The following LAMA1 variants were observed in gnomAD, a reference collection of about 807,000 sequenced individuals.
LAMA1 encodes the protein laminin subunit alpha-1.
In LAMA1, 219 loss-of-function variants were observed where a neutral mutation model predicts 348.7. The ratio of observed to expected loss-of-function variants is 0.63; its 90% CI spans 0.56 to 0.70. The LOEUF is 0.70. Among genes scored for constraint, LAMA1 ranks in the 30% least tolerant of loss-of-function variants. The probability of loss-of-function intolerance (pLI) is 0.00; values close to 1 mark genes in which losing one functional copy is unlikely to be tolerated. For missense variants in LAMA1, 3,744 were observed against 3,888.0 expected (o/e 0.96, Z 0.99); for synonymous variants, 1,487 against 1,491.0 (o/e 1.00, Z 0.06).
chr18:7,038,945 G>A lies in LAMA1; in HGVS notation c.1428C>T (p.Asn476=). The change falls in exon 11 of 63, where the codon AAC becomes AAT. Residue 476 remains asparagine (N), a synonymous_variant. Transcript: ENST00000389658. ...AGCGATCACAGGCCTTCCCCTCAACGTTTTCCTGTAAGTTAGGGTAAAAGA... is the reference window on the plus strand; with the variant it reads ...AGCGATCACAGGCCTTCCCCTCAACATTTTCCTGTAAGTTAGGGTAAAAGA... ...PCTGPCVCKE[N]VEGKACDRCK... 1 of 1,612,804 alleles carries A rather than the reference G, an allele frequency of 6.2e-7. No homozygotes were observed. Among genetic ancestry groups the A allele is most frequent in the South Asian group, 1.1e-5 (1 of 91,036 alleles).
chr18:6,973,227 G>C lies in LAMA1; in HGVS notation c.6624-20C>G. ...CCAAATCTAAGGGTTACAAAGAATTGCAAAAGAAATTTTCAGAATTTCCAG... is the reference window on the plus strand; with the variant it reads ...CCAAATCTAAGGGTTACAAAGAATTCCAAAAGAAATTTTCAGAATTTCCAG... On this transcript the variant is annotated intron_variant, in intron 46 of 62. Transcript: ENST00000389658. 6.2e-7 allele frequency: 1 copy of C among 1,612,924 alleles called. No individual in the cohort carries two copies.
intron 38 of LAMA1, 51 bp from the exon 39 acceptor site, chr18:6,985,451 GAT>G (rs756816101): frequency 3.1e-6 from 5 of 1,600,030 alleles, no homozygotes; most frequent in Non-Finnish European, 4.3e-6. Flanking sequence ...CTTAATAACA[GAT>G]ATGTGTGCAT....
chr18:6,997,308 C>T (rs975768837), intron 33 of LAMA1, among the ~76,000 whole-genome samples: 2 of 152,178 alleles, frequency 1.3e-5, no homozygotes, highest in African/African-American at 2.4e-5. Context: ...GTGATCCACC[C>T]GCCTTGGCCC....
At chr18:7,040,817 AG>A (rs1477714396) in intron 9 of LAMA1, among the ~76,000 whole-genome samples, 1 of 152,234 alleles carries the variant, frequency 6.6e-6, no homozygotes, top group Non-Finnish European at 1.5e-5. Context: ...GGTAATAAAA[AG>A]GGTTGAAATA....
chr18:7,104,089 C>T (rs1344456395), intron 1 of LAMA1, among the ~76,000 whole-genome samples: 13 of 152,094 alleles, frequency 8.5e-5, no homozygotes, highest in Admixed American at 8.5e-4. Flanking sequence ...AAGCAATTCT[C>T]TGCCTCAGCT....
At chr18:7,057,803 T>C (rs1056281244) in intron 3 of LAMA1, among the ~76,000 whole-genome samples, 16 of 147,464 alleles carry the variant, frequency 1.1e-4, no homozygotes, top group African/African-American at 3.2e-4. Context: ...TCTTTCTTTT[T>C]TTTTTTTTTG....
At position 7,013,924 on chromosome 18, in the gene LAMA1, G is replaced by A. The variant is rs1188310384; in HGVS notation, c.3254C>T (p.Pro1085Leu). Residue 1085 changes from proline to leucine, a missense_variant, in exon 23 of 63, where the codon CCC becomes CTC. Physicochemically the swap from Pro to Leu is moderately conservative, Grantham distance 98. This residue lies in a region of LAMA1 where 1,529 missense variants were observed against 1,689.4 expected (regional missense o/e 0.91). Transcript: ENST00000389658. Reference protein sequence around the residue: ...DQCSLGYRDFPDCVPCDCDLR... With the variant: ...DQCSLGYRDFLDCVPCDCDLR... ...GTCACAGTCACAGGGAACACAGTCG[G>A]GAAAGTCTCTGTAACCCAAGGAACA... 1.2e-6 allele frequency: 2 copies of A among 1,613,802 alleles called. No individual in the cohort carries two copies. Among genetic ancestry groups the A allele is most frequent in the Non-Finnish European group, 8.5e-7 (1 of 1,179,824 alleles).
intron 57 of LAMA1, among the ~76,000 whole-genome samples, chr18:6,952,662 T>C (rs1165751307): frequency 6.6e-6 from 1 of 152,250 alleles, no homozygotes; most frequent in Non-Finnish European, 1.5e-5. Context: ...AGTTTTAAAT[T>C]GGGCATCACT....
intron 56 of LAMA1, chr18:6,955,952 C>G (rs1237939338): frequency 3.2e-6 from 1 of 315,012 alleles, no homozygotes; most frequent in African/African-American, 2.2e-5. Flanking sequence ...ACAAGAGGAG[C>G]CAGGCGGGAA....
intron 51 of LAMA1, among the ~76,000 whole-genome samples, chr18:6,963,650 T>G (rs1037935237): frequency 6.6e-6 from 1 of 152,220 alleles, no homozygotes; most frequent in Non-Finnish European, 1.5e-5. Flanking sequence ...CTGCTACAAA[T>G]GGACATTTGC....
At chr18:6,986,517 G>T (rs1016397294) in intron 36 of LAMA1, among the ~76,000 whole-genome samples, 170 bp from the exon 37 acceptor site, 1 of 150,610 alleles carries the variant, frequency 6.6e-6, no homozygotes, top group Non-Finnish European at 1.5e-5. Flanking sequence ...GATAGCTACA[G>T]GTATGGCAGG....
At position 7,008,401 on chromosome 18, in the gene LAMA1, A is replaced by G. The variant is rs112207596; in HGVS notation, c.4122+87T>C. On this transcript the variant is annotated intron_variant, in intron 28 of 62. Transcript: ENST00000389658. ...GAAAAAAATGATATAGTAGATACACATAAGTTCTGTTCATCTCTGGGAGTT... is the reference window on the plus strand; with the variant it reads ...GAAAAAAATGATATAGTAGATACACGTAAGTTCTGTTCATCTCTGGGAGTT... 1.0e-5 allele frequency: 15 copies of G among 1,484,230 alleles called. No individual in the cohort carries two copies. The African/African-American group carries it at 1.5e-4, about 15-fold the overall frequency. 91.9% of individuals were successfully genotyped at this position (1,484,230 alleles called of 1,614,324 possible).
chr18:6,964,717 G>A lies in LAMA1; in HGVS notation c.7282C>T (p.Arg2428Cys), dbSNP rs762532829. 2.9e-5 allele frequency: 46 copies of A among 1,613,966 alleles called. No homozygotes were observed. In the Admixed American group the frequency reaches 3.5e-4, roughly 12 times the overall value. The part of the protein sequence containing the change: ...ETPGASSDLN[R>C]LDKDPIYVGG... Reference sequence around the variant, plus strand: ...ACATAAATCGGGTCCTTGTCTAGGCGGTTGAGGTCAGAAGATGCTCCCGGA... The same window carrying A: ...ACATAAATCGGGTCCTTGTCTAGGCAGTTGAGGTCAGAAGATGCTCCCGGA... The change falls in exon 51 of 63, where the codon CGC becomes TGC. Residue 2428 changes from arginine (R) to cysteine (C), a missense_variant. Arg to Cys is a radical substitution (Grantham distance 180). Around this residue, in one of 3 missense-constraint regions of LAMA1, gnomAD observed 1,983 missense variants for 1,934.3 expected, o/e 1.03. Transcript: ENST00000389658.
intron 10 of LAMA1, 84 bp from the exon 11 acceptor site, chr18:7,039,034 C>T (rs756085099): frequency 3.7e-4 from 413 of 1,111,244 alleles, no homozygotes; most frequent in Non-Finnish European, 4.6e-4. Flanking sequence ...GATAGGTGTT[C>T]GGTGATCCAC....
chr18:6,946,856 TATTAGAAGGGATAGGGC>T (rs1415604622), intron 61 of LAMA1, among the ~76,000 whole-genome samples: 7 of 152,274 alleles, frequency 4.6e-5, no homozygotes, highest in Non-Finnish European at 7.4e-5. Flanking sequence ...TAAAAAAAAT[TATTAGAAGGGATAGGGC>T]ATCAGGTCAG....
At position 6,943,110 on chromosome 18, in the gene LAMA1, T is replaced by C. The variant is rs1036631177; in HGVS notation, c.9067+70A>G. On this transcript the variant is annotated intron_variant, in intron 62 of 62. Coordinates refer to ENST00000389658, the MANE Select transcript of LAMA1 (RefSeq NM_005559.4). ...TACCTTTCTCAATCCCTATTCTACA[T>C]CCACCTGAACCAAGACTTCCTCCAG... 5.3e-6 allele frequency: 7 copies of C among 1,329,818 alleles called. No individual in the cohort carries two copies. In the African/African-American group the frequency reaches 1.0e-4, roughly 19 times the overall value. 82.4% of individuals were successfully genotyped at this position (1,329,818 alleles called of 1,614,324 possible).
At chr18:7,112,914 C>A (rs187635415) in intron 1 of LAMA1, among the ~76,000 whole-genome samples, 1 of 152,126 alleles carries the variant, frequency 6.6e-6, no homozygotes, top group East Asian at 1.9e-4. Flanking sequence ...GGATTACAGG[C>A]GTGAGCCACT....
intron 11 of LAMA1, chr18:7,038,459 T>C (rs2058005427): frequency 1.1e-5 from 4 of 373,148 alleles, no homozygotes; most frequent in South Asian, 4.5e-5. Flanking sequence ...AAAATCCCCA[T>C]GGCCCCACGG....
chr18:7,037,643 C>T lies in LAMA1; in HGVS notation c.1672G>A (p.Ala558Thr), dbSNP rs757016883. The T allele has an allele frequency of 3.6e-5, 58 of 1,614,024 alleles. No individual in the cohort carries two copies. The highest frequency in any genetic ancestry group is 8.3e-5 in the Admixed American group (5 of 59,994). Residue 558 changes from alanine to threonine, a missense_variant, in exon 12 of 63, where the codon GCG becomes ACG. Physicochemically the swap from Ala to Thr is moderately conservative, Grantham distance 58 (BLOSUM62 0). Coordinates refer to ENST00000389658, the MANE Select transcript of LAMA1 (RefSeq NM_005559.4). ...TTGGGAGCCAGTCTCTGCATGACCG[C>T]GGTGTTGTTGATGCTGACCTGATGG... ...GRHQVSINNT[A>T]VMQRLAPKYY...
Sources: allele counts gnomAD v4.1 joint callset (sites outside exome capture counted in the v4.1 genomes callset), GRCh38; gene constraint gnomAD v4.1.1; regional missense constraint gnomAD v4.1.1; transcripts MANE v1.5; gene names NCBI Gene and HGNC (gene_info 2026-07-23, HGNC 2026-07-21).